Variants in DMXL1 observed in about 807,000 individuals in gnomAD.
The protein encoded by DMXL1 is dmX-like protein 1.
Under a neutral mutation model 319.2 loss-of-function variants are expected in DMXL1, and 99 were observed. That is an observed-to-expected ratio of 0.31 (90% CI 0.26 to 0.37). The LOEUF (loss-of-function observed/expected upper bound fraction) is 0.37. Among genes scored for constraint, DMXL1 ranks in the 10% least tolerant of loss-of-function variants. DMXL1 has a pLI of 1.00. For synonymous variants in DMXL1, 1,385 were observed against 1,235.2 expected (o/e 1.12, Z -2.54); for missense variants, 3,745 against 3,595.6 (o/e 1.04, Z -1.06).
chr5:119,217,075 T>C (rs1783824157), intron 35 of DMXL1, 88 bp downstream of exon 35: 2 of 738,306 alleles, frequency 2.7e-6, no homozygotes, highest in South Asian at 5.1e-5. Context: ...AGTATTTCTT[T>C]CCCAAAGCTG....
intron 1 of DMXL1, among the ~76,000 whole-genome samples, chr5:119,072,781 C>T (rs192589525): frequency 1.3e-5 from 2 of 152,022 alleles, no homozygotes; most frequent in Non-Finnish European, 2.9e-5. Context: ...ACTGTACCTC[C>T]CCTTTAGATT....
At chr5:119,178,724 T>C (rs1776277875) in intron 28 of DMXL1, 2 of 906,042 alleles carry the variant, frequency 2.2e-6, no homozygotes, top group African/African-American at 3.6e-5. Flanking sequence ...CTTTTATCAT[T>C]CAGCTTGCTT....
At chr5:119,130,318 A>G (rs1764569246) in intron 10 of DMXL1, among the ~76,000 whole-genome samples, 1 of 151,660 alleles carries the variant, frequency 6.6e-6, no homozygotes, top group African/African-American at 2.4e-5. Context: ...TACAGAAATA[A>G]TGTTCTGCAC....
chr5:119,072,967 T>A (rs2149647873), intron 1 of DMXL1, among the ~76,000 whole-genome samples: 1 of 152,324 alleles, frequency 6.6e-6, no homozygotes, highest in Non-Finnish European at 1.5e-5. Flanking sequence ...CTTAGAAGGT[T>A]TTCCTAGTGG....
chr5:119,169,629 T>C (rs1030083508), intron 23 of DMXL1, among the ~76,000 whole-genome samples: 1 of 152,172 alleles, frequency 6.6e-6, no homozygotes, highest in African/African-American at 2.4e-5. Context: ...AGCAAGAGTT[T>C]ATACACATAA....
chr5:119,120,958 T>A lies in DMXL1; in HGVS notation c.934-13T>A. 7.5e-6 allele frequency: 12 copies of A among 1,598,754 alleles called. No individual in the cohort carries two copies. Among genetic ancestry groups the A allele is most frequent in the Non-Finnish European group, 1.0e-5 (12 of 1,174,410 alleles). On this transcript the variant is annotated splice_polypyrimidine_tract_variant and intron_variant, in intron 8 of 43. Transcript: ENST00000539542. Reference sequence around the variant, plus strand: ...TGACAATATAGGTATTAGTTTTGTTTCTATTCACACAGGTAAATCTGAGAC... The same window carrying A: ...TGACAATATAGGTATTAGTTTTGTTACTATTCACACAGGTAAATCTGAGAC...
intron 38 of DMXL1, among the ~76,000 whole-genome samples, chr5:119,228,846 A>G (rs1197436292): frequency 6.6e-6 from 1 of 152,186 alleles, no homozygotes; most frequent in Non-Finnish European, 1.5e-5. Flanking sequence ...AAAGGCAAAT[A>G]CAGAAAGTTA....
At chr5:119,158,985 G>T (rs1345327284) in intron 19 of DMXL1, among the ~76,000 whole-genome samples, 1 of 152,122 alleles carries the variant, frequency 6.6e-6, no homozygotes, top group Non-Finnish European at 1.5e-5. Context: ...GGAAATCCTG[G>T]TCTCATAAAA....
chr5:119,090,559 G>A (rs889380322), intron 1 of DMXL1, among the ~76,000 whole-genome samples: 1 of 118,464 alleles, frequency 8.4e-6, no homozygotes. Context: ...TTTCTCCTCT[G>A]TTTTTTTTTT....
At chr5:119,124,352 A>G (rs1191757304) in intron 9 of DMXL1, among the ~76,000 whole-genome samples, 3 of 151,788 alleles carry the variant, frequency 2.0e-5, no homozygotes, top group Admixed American at 1.3e-4. Context: ...AGACCAAGGA[A>G]CAAATGCTTT....
At chr5:119,078,631 A>T (rs1196978233) in intron 1 of DMXL1, among the ~76,000 whole-genome samples, 1 of 151,884 alleles carries the variant, frequency 6.6e-6, no homozygotes, top group African/African-American at 2.4e-5. Flanking sequence ...TTTTTATTTT[A>T]TGCGGAGATG....
At position 119,150,395 on chromosome 5, in the gene DMXL1, T is replaced by C. The variant is rs1184577715; in HGVS notation, c.4568T>C (p.Ile1523Thr). Residue 1523 changes from isoleucine to threonine, a missense_variant, in exon 18 of 44, where the codon ATT (isoleucine) becomes ACT (threonine). Physicochemically the swap from Ile to Thr is moderately conservative, Grantham distance 89. Transcript: ENST00000539542. ...ADTIATTSTD[I>T]GESRDRSQGG... Reference sequence around the variant, plus strand: ...ACAATTGCAACTACAAGCACTGATATTGGAGAAAGCCGAGACAGAAGCCAA... The same window carrying C: ...ACAATTGCAACTACAAGCACTGATACTGGAGAAAGCCGAGACAGAAGCCAA... 8 of 1,612,658 alleles carry C rather than the reference T, an allele frequency of 5.0e-6. No individual in the cohort carries two copies. The highest frequency in any genetic ancestry group is 1.1e-5 in the South Asian group (1 of 90,890).
In DMXL1 at chr5:119,220,588, C is replaced by A. The variant is rs930054345; in HGVS notation, c.8130C>A (p.Thr2710=). The A allele has an allele frequency of 1.2e-6, 2 of 1,612,290 alleles. No homozygotes were observed. The highest frequency in any genetic ancestry group is 1.7e-6 in the Non-Finnish European group (2 of 1,179,510). Residue 2710 remains threonine (T), a synonymous_variant, in exon 36 of 44, where the codon ACC becomes ACA. Coordinates refer to ENST00000539542, the MANE Select transcript of DMXL1 (RefSeq NM_001290321.3). The part of the protein sequence containing the change: ...TWVDDDIEVE[T]KGSEDFLVIH... ...TAGATGATGATATAGAAGTGGAAAC[C>A]AAAGGGTACCTTCATAGTTTGTTTC... is the stretch of plus-strand genomic sequence containing the variant.
At chr5:119,115,988 A>T (rs1760753725) in intron 6 of DMXL1, among the ~76,000 whole-genome samples, 170 bp from the exon 7 acceptor site, 1 of 152,228 alleles carries the variant, frequency 6.6e-6, no homozygotes, top group South Asian at 2.1e-4. Context: ...ACAGTTAGGC[A>T]ATGCTAATAG....
intron 23 of DMXL1, among the ~76,000 whole-genome samples, chr5:119,168,319 T>G (rs1773853669): frequency 6.6e-6 from 1 of 152,222 alleles, no homozygotes; most frequent in Non-Finnish European, 1.5e-5. Context: ...GCTTATGTAC[T>G]CTTTTGAGTC....
chr5:119,127,792 T>G (rs1364776449), intron 9 of DMXL1: 3 of 260,038 alleles, frequency 1.2e-5, no homozygotes, highest in African/African-American at 7.0e-5. Flanking sequence ...TTTTGGAAAT[T>G]CATATATTTA....
chr5:119,156,169 C>A (rs1266579603), intron 19 of DMXL1, among the ~76,000 whole-genome samples: 2 of 152,186 alleles, frequency 1.3e-5, no homozygotes, highest in Non-Finnish European at 2.9e-5. Flanking sequence ...CTTCAGTAAC[C>A]TCTACCCTGA....
At chr5:119,179,605 A>G (rs1379311326) in intron 28 of DMXL1, among the ~76,000 whole-genome samples, 3 of 152,202 alleles carry the variant, frequency 2.0e-5, no homozygotes, top group Non-Finnish European at 2.9e-5. Context: ...AGAATTTAGA[A>G]AAGTTATTAC....
Position 119,247,179 on chromosome 5 carries a change from T to G in DMXL1, c.9107T>G (p.Leu3036Ter). 1 of 1,613,064 alleles carries G rather than the reference T, an allele frequency of 6.2e-7. No individual in the cohort carries two copies. The highest frequency in any genetic ancestry group is 8.5e-7 in the Non-Finnish European group (1 of 1,179,494). ...ATACTGCCAGATCAGTTTAGCCCTT[T>G]AAATGAAGTGTTGAAAAATGATGTG... ...MRILPDQFSP[L>*]NEVLKNDVKF... The change falls in exon 44 of 44, where the codon TTA becomes TGA. Residue 3036 changes from leucine to a stop codon, truncating the protein, a stop_gained. Coordinates refer to ENST00000539542, the MANE Select transcript of DMXL1 (RefSeq NM_001290321.3). LOFTEE classifies it high-confidence loss of function.
Sources: gnomAD v4.1 joint callset for allele counts (sites outside exome capture counted in the v4.1 genomes callset) on GRCh38, gnomAD v4.1.1 for gene constraint, MANE v1.5 for transcripts, NCBI Gene and HGNC (gene_info 2026-07-23, HGNC 2026-07-21) for gene names.